Variants in SMG1 observed in about 807,000 individuals in gnomAD.
SMG1 encodes SMG1 nonsense mediated mRNA decay associated PI3K related kinase, also known as serine/threonine-protein kinase SMG1.
In SMG1, 22 loss-of-function variants were observed where a neutral mutation model predicts 419.9. That is an observed-to-expected ratio of 0.05 (90% CI 0.04 to 0.07). The LOEUF is 0.07. Ranked by LOEUF, SMG1 falls within the 10% of genes least tolerant of loss-of-function variation. SMG1 has a pLI of 1.00. For missense variants in SMG1, 3,185 were observed against 4,342.0 expected (o/e 0.73, Z 7.49); for synonymous variants, 1,538 against 1,553.5 (o/e 0.99, Z 0.23).
At chr16:18,829,150 T>A (rs561076097) in intron 54 of SMG1, 136 bp downstream of exon 54, 112 of 660,104 alleles carry the variant, frequency 1.7e-4, no homozygotes, top group Non-Finnish European at 2.6e-4. Context: ...GCCAAAATGC[T>A]ATGGTGTGTT....
intron 16 of SMG1, 119 bp downstream of exon 16, chr16:18,871,245 T>C: frequency 3.6e-6 from 2 of 558,296 alleles, no homozygotes; most frequent in Non-Finnish European, 6.4e-6. Flanking sequence ...GTCATTAAAA[T>C]GAGGATTACA....
At chr16:18,907,717 G>A (rs1463519805) in intron 1 of SMG1, among the ~76,000 whole-genome samples, 2 of 150,776 alleles carry the variant, frequency 1.3e-5, no homozygotes, top group Non-Finnish European at 3.0e-5. Flanking sequence ...CAGGCCTGGT[G>A]GTGCAGCGCC....
intron 1 of SMG1, 123 bp downstream of exon 1, chr16:18,925,827 G>A (rs1386599012): frequency 8.5e-6 from 6 of 707,164 alleles, no homozygotes; most frequent in South Asian, 2.4e-5. Context: ...GACCCAGGAA[G>A]CCGCGCCCGG....
In SMG1 at chr16:18,842,311, G is replaced by T; in HGVS notation, c.6363C>A (p.Ile2121=). The part of the protein sequence containing the change: ...GEVSARDTVT[I]HSVGGTITIL... ...TTGTGATGGTTCCGCCCACACTATG[G>T]ATTGTGACAGTGTCTCTGGCTGAGA... Residue 2121 remains isoleucine (I), a synonymous_variant, in exon 40 of 63, where the codon ATC becomes ATA. Coordinates refer to ENST00000446231, the MANE Select transcript of SMG1 (RefSeq NM_015092.5). The T allele has an allele frequency of 6.2e-7, 1 of 1,614,018 alleles. No individual in the cohort carries two copies. The highest frequency in any genetic ancestry group is 8.5e-7 in the Non-Finnish European group (1 of 1,179,886).
intron 1 of SMG1, among the ~76,000 whole-genome samples, chr16:18,901,831 A>G (rs1055032390): frequency 2.6e-5 from 4 of 151,640 alleles, no homozygotes; most frequent in African/African-American, 7.3e-5. Context: ...AAAATTAGCC[A>G]GGCATGGTGA....
intron 1 of SMG1, among the ~76,000 whole-genome samples, chr16:18,903,285 G>A (rs902883612): frequency 5.9e-5 from 9 of 152,194 alleles, no homozygotes; most frequent in African/African-American, 2.2e-4. Flanking sequence ...CAGGAGGGCA[G>A]TAGATCTGAT....
chr16:18,839,945 G>A lies in SMG1; in HGVS notation c.6698C>T (p.Ala2233Val). The A allele has an allele frequency of 6.5e-7, 1 of 1,545,630 alleles. No homozygotes were observed. Among genetic ancestry groups the A allele is most frequent in the Non-Finnish European group, 8.7e-7 (1 of 1,145,422 alleles). Residue 2233 changes from alanine to valine, a missense_variant and splice_region_variant, in exon 42 of 63, where the codon GCC becomes GTC. By Grantham distance (64) the Ala-to-Val change is moderately conservative. Around this residue, in one of 27 missense-constraint regions of SMG1, gnomAD observed 132 missense variants for 151.0 expected, o/e 0.87. Transcript: ENST00000446231. ...QREAALQAQKAQDSYQTPQNP... is the reference protein window; with the variant it reads ...QREAALQAQKVQDSYQTPQNP... ...CTGAGGAGTTTGGTAGGAATCTTGGGCCTTAAGAAAAAACAATTTTTTTAA... is the reference window on the plus strand; with the variant it reads ...CTGAGGAGTTTGGTAGGAATCTTGGACCTTAAGAAAAAACAATTTTTTTAA...
At position 18,885,399 on chromosome 16, in the gene SMG1, C is replaced by A. The variant is rs372327064; in HGVS notation, c.948+142G>T. ...GGTATGAATGTCAGAAAGAAAAATGCGGTATTTAACCCTGGAACCTCAAAT... is the reference window on the plus strand; with the variant it reads ...GGTATGAATGTCAGAAAGAAAAATGAGGTATTTAACCCTGGAACCTCAAAT... On this transcript the variant is annotated intron_variant, in intron 7 of 62. Transcript: ENST00000446231. 36 of 1,028,948 alleles carry A rather than the reference C, an allele frequency of 3.5e-5. No homozygotes were observed. The South Asian group carries it at 4.7e-4, about 13-fold the overall frequency. The allele number at this position is 1,028,948 out of a possible 1,614,324, so 63.7% of individuals were successfully genotyped here.
Position 18,829,571 on chromosome 16 carries a change from C to G in SMG1, c.9318G>C (p.Leu3106=). 6.2e-7 allele frequency: 1 copy of G among 1,614,038 alleles called. No homozygotes were observed. The highest frequency in any genetic ancestry group is 1.3e-5 in the African/African-American group (1 of 75,056). ...GLPNQALGLT[L]CSFISALGVD... Reference sequence around the variant, plus strand: ...CACCCAGAGCACTGATAAAACTGCACAGTGTGAGTCCGAGGGCTTGGTTGG... The same window carrying G: ...CACCCAGAGCACTGATAAAACTGCAGAGTGTGAGTCCGAGGGCTTGGTTGG... Residue 3106 remains leucine (L), a synonymous_variant, in exon 54 of 63, where the codon CTG becomes CTC. Coordinates refer to ENST00000446231, the MANE Select transcript of SMG1 (RefSeq NM_015092.5).
chr16:18,845,756 A>G, intron 38 of SMG1, 105 bp from the exon 39 acceptor site: 1 of 800,954 alleles, frequency 1.2e-6, no homozygotes, highest in Non-Finnish European at 2.0e-6. Context: ...AACAGTACCA[A>G]GGAATAAGTC....
intron 10 of SMG1, among the ~76,000 whole-genome samples, chr16:18,880,259 C>T (rs370212664): frequency 6.6e-6 from 1 of 152,190 alleles, no homozygotes; most frequent in South Asian, 2.1e-4. Flanking sequence ...AATACACACA[C>T]AAACAAAATC....
intron 1 of SMG1, among the ~76,000 whole-genome samples, chr16:18,922,975 T>C (rs1213650085): frequency 6.6e-6 from 1 of 152,134 alleles, no homozygotes; most frequent in Non-Finnish European, 1.5e-5. Context: ...CAGCTACTTG[T>C]GGATGCTGAG....
intron 36 of SMG1, among the ~76,000 whole-genome samples, chr16:18,848,301 C>G (rs901108464): frequency 4.8e-5 from 7 of 146,080 alleles, no homozygotes; most frequent in Non-Finnish European, 1.0e-4. Context: ...AGCCAGAGTT[C>G]AAAACTTGGT....
intron 33 of SMG1, among the ~76,000 whole-genome samples, chr16:18,851,552 AACTTC>A (rs1291972175): frequency 1.3e-5 from 2 of 152,184 alleles, no homozygotes; most frequent in African/African-American, 4.8e-5. Context: ...ACCTAAAATG[AACTTC>A]ACTTAATAAC....
Position 18,845,485 on chromosome 16 carries a change from G to A in SMG1, c.6163C>T (p.Leu2055=). Residue 2055 remains leucine (L), a synonymous_variant, in exon 39 of 63, where the codon CTG becomes TTG. Transcript: ENST00000446231. ...GDAIENALEK[L]KTPLNPAKPG... ...TTTGCAGGGTTCAATGGAGTCTTCA[G>A]TTTTTCTAGGGCATTTTCAATGGCA... The A allele has an allele frequency of 6.2e-7, 1 of 1,613,932 alleles. No individual in the cohort carries two copies.
At chr16:18,897,822 A>C (rs1387598627) in intron 1 of SMG1, among the ~76,000 whole-genome samples, 1 of 152,154 alleles carries the variant, frequency 6.6e-6, no homozygotes, top group Non-Finnish European at 1.5e-5. Context: ...AAGACAACAA[A>C]ATAATCTATT....
chr16:18,827,456 CTA>C (rs202137867), intron 55 of SMG1, among the ~76,000 whole-genome samples: 25 of 141,060 alleles, frequency 1.8e-4, no homozygotes, highest in Non-Finnish European at 2.7e-4. Flanking sequence ...ATAAATATAC[CTA>C]TATATATATA....
intron 9 of SMG1, among the ~76,000 whole-genome samples, chr16:18,882,781 G>A (rs897033256): frequency 8.5e-5 from 13 of 152,160 alleles, no homozygotes; most frequent in African/African-American, 3.1e-4. Context: ...GAGATTACAA[G>A]ACCTGGTCTA....
chr16:18,813,146 T>C (rs1453807947), intron 60 of SMG1, among the ~76,000 whole-genome samples: 1 of 152,158 alleles, frequency 6.6e-6, no homozygotes, highest in Non-Finnish European at 1.5e-5. Flanking sequence ...GCATGTGTCT[T>C]TATAGCAGCA....
Sources: allele counts gnomAD v4.1 joint callset (sites outside exome capture counted in the v4.1 genomes callset), GRCh38; gene constraint gnomAD v4.1.1; regional missense constraint gnomAD v4.1.1; transcripts MANE v1.5; gene names NCBI Gene and HGNC (gene_info 2026-07-23, HGNC 2026-07-21).